CHSY3: variants seen among roughly 807,000 people sequenced by gnomAD.
CHSY3 encodes the protein N-acetylgalactosaminyl-proteoglycan 3-beta-glucuronosyltransferase 3.
Under a neutral mutation model 67.2 loss-of-function variants are expected in CHSY3, and 35 were observed. The ratio of observed to expected loss-of-function variants is 0.52; its 90% CI spans 0.40 to 0.69. The LOEUF (loss-of-function observed/expected upper bound fraction) is 0.69. Ranked by LOEUF, CHSY3 falls within the 30% of genes least tolerant of loss-of-function variation. The pLI is 0.00. For synonymous variants in CHSY3, 474 were observed against 434.7 expected (o/e 1.09, Z -1.12); for missense variants, 1,069 against 1,138.5 (o/e 0.94, Z 0.88).
intron 2 of CHSY3, among the ~76,000 whole-genome samples, chr5:130,075,246 G>C (rs975117831): frequency 6.6e-6 from 1 of 151,862 alleles, no homozygotes; most frequent in African/African-American, 2.4e-5. Flanking sequence ...TATAATCTTG[G>C]GCTTAAAATT....
chr5:130,137,019 C>T (rs1768686072), intron 2 of CHSY3, among the ~76,000 whole-genome samples: 1 of 152,118 alleles, frequency 6.6e-6, no homozygotes. Flanking sequence ...ATGTTCAAAA[C>T]TGTTTCCTAC....
rs368227107 is a variant in CHSY3, at chr5:130,062,637, A to G, written c.1087-121592A>G. On this transcript the variant is annotated intron_variant, in intron 2 of 2. Coordinates refer to ENST00000305031, the MANE Select transcript of CHSY3 (RefSeq NM_175856.5). Reference sequence around the variant, plus strand: ...CCTATGTAATAATTTTTTTAAATGCAGTGAAATTAAAGTAATTTCAGAGGA... The same window carrying G: ...CCTATGTAATAATTTTTTTAAATGCGGTGAAATTAAAGTAATTTCAGAGGA... Among the ~76,000 whole-genome samples, 236 of 152,272 alleles carry G rather than the reference A, an allele frequency of 1.5e-3. 10 individuals are homozygous for G. In the South Asian group the frequency reaches 0.048, roughly 31 times the overall value.
At chr5:130,089,942 G>A (rs569560863) in intron 2 of CHSY3, among the ~76,000 whole-genome samples, 20 of 152,222 alleles carry the variant, frequency 1.3e-4, no homozygotes, top group Non-Finnish European at 2.6e-4. Context: ...GTGTGAAAAC[G>A]TAGTTGTAAC....
chr5:130,031,329 A>G (rs1214403341), intron 2 of CHSY3, among the ~76,000 whole-genome samples: 2 of 152,058 alleles, frequency 1.3e-5, no homozygotes, highest in Non-Finnish European at 2.9e-5. Context: ...ATTTGCTGTT[A>G]TCTCATACTT....
chr5:130,030,123 T>C (rs552011231), intron 2 of CHSY3, among the ~76,000 whole-genome samples: 1 of 152,258 alleles, frequency 6.6e-6, no homozygotes, highest in South Asian at 2.1e-4. Context: ...GTTGATGGTA[T>C]GCTGTTTTTT....
intron 2 of CHSY3, among the ~76,000 whole-genome samples, chr5:130,024,846 G>A (rs956626772): frequency 1.3e-5 from 2 of 151,892 alleles, no homozygotes; most frequent in African/African-American, 4.8e-5. Context: ...CAATTCTAAA[G>A]GTATTTTATA....
At chr5:129,932,997 T>A (rs2149589818) in intron 2 of CHSY3, among the ~76,000 whole-genome samples, 1 of 152,248 alleles carries the variant, frequency 6.6e-6, no homozygotes, top group Non-Finnish European at 1.5e-5. Flanking sequence ...TGATAATAGA[T>A]CCCCTACCTT....
At chr5:130,104,847 ACT>A (rs1561538875) in intron 2 of CHSY3, among the ~76,000 whole-genome samples, 1 of 151,824 alleles carries the variant, frequency 6.6e-6, no homozygotes, top group African/African-American at 2.4e-5. Flanking sequence ...AGTTTATATG[ACT>A]AATTAAATGT....
intron 2 of CHSY3, among the ~76,000 whole-genome samples, chr5:130,173,873 G>A (rs894351644): frequency 4.6e-5 from 7 of 151,596 alleles, no homozygotes; most frequent in Non-Finnish European, 8.8e-5. Context: ...GAGAAGTAGG[G>A]CACATTTTAA....
intron 2 of CHSY3, among the ~76,000 whole-genome samples, chr5:130,014,616 A>G (rs530158189): frequency 3.3e-4 from 50 of 152,288 alleles, no homozygotes; most frequent in African/African-American, 6.0e-4. Flanking sequence ...GGTCCCTCCA[A>G]TGACATGTGG....
chr5:130,175,867 A>T (rs1179401811), intron 2 of CHSY3, among the ~76,000 whole-genome samples: 1 of 152,202 alleles, frequency 6.6e-6, no homozygotes, highest in Non-Finnish European at 1.5e-5. Context: ...TGGGTTAAAG[A>T]TTTAAATGTA....
chr5:129,999,994 A>T (rs1043336649), intron 2 of CHSY3, among the ~76,000 whole-genome samples: 1 of 152,128 alleles, frequency 6.6e-6, no homozygotes, highest in Admixed American at 6.6e-5. Context: ...GAAAGCTAAA[A>T]TCTCCTGCTT....
intron 2 of CHSY3, among the ~76,000 whole-genome samples, chr5:130,148,190 G>C (rs1348990393): frequency 3.3e-5 from 5 of 152,108 alleles, no homozygotes; most frequent in Middle Eastern, 3.2e-3. Context: ...TAAGGATAAT[G>C]GTCTCTAGCT....
At chr5:130,110,749 A>T (rs1767568450) in intron 2 of CHSY3, among the ~76,000 whole-genome samples, 1 of 151,940 alleles carries the variant, frequency 6.6e-6, no homozygotes, top group East Asian at 1.9e-4. Context: ...TAACTTGGGG[A>T]TTAAATCTAA....
intron 2 of CHSY3, among the ~76,000 whole-genome samples, chr5:130,112,276 A>G (rs1225712013): frequency 6.6e-6 from 1 of 152,160 alleles, no homozygotes; most frequent in Non-Finnish European, 1.5e-5. Flanking sequence ...GAATTTGTCT[A>G]AAATAAATGC....
At chr5:130,143,603 G>A (rs1366716679) in intron 2 of CHSY3, among the ~76,000 whole-genome samples, 1 of 150,466 alleles carries the variant, frequency 6.6e-6, no homozygotes, top group South Asian at 2.1e-4. Context: ...GCTACTATTG[G>A]GGCTATTGCA....
chr5:130,091,992 T>C (rs1169258423), intron 2 of CHSY3, among the ~76,000 whole-genome samples: 1 of 152,160 alleles, frequency 6.6e-6, no homozygotes, highest in African/African-American at 2.4e-5. Context: ...TCCCTCTCAC[T>C]TGTTCTCAGT....
chr5:129,905,966 A>T, intron 1 of CHSY3: 1 of 313,044 alleles, frequency 3.2e-6, no homozygotes, highest in Non-Finnish European at 5.7e-6. Context: ...GGCCATTCCC[A>T]CTCTGCCCTC....
chr5:129,909,640 GA>G (rs1760462444), intron 2 of CHSY3, among the ~76,000 whole-genome samples: 1 of 151,688 alleles, frequency 6.6e-6, no homozygotes, highest in Non-Finnish European at 1.5e-5. Context: ...TACCCTTTAG[GA>G]TAAAAATTTA....
Sources: gnomAD v4.1 joint callset for allele counts (sites outside exome capture counted in the v4.1 genomes callset) on GRCh38, gnomAD v4.1.1 for gene constraint, MANE v1.5 for transcripts, NCBI Gene and HGNC (gene_info 2026-07-23, HGNC 2026-07-21) for gene names.